Variants in CSMD1 observed in about 807,000 individuals in gnomAD.
CSMD1 encodes CUB and Sushi multiple domains 1, also known as CUB and sushi domain-containing protein 1.
In CSMD1, 213 loss-of-function variants were observed where a neutral mutation model predicts 417.5. That is an observed-to-expected ratio of 0.51 (90% CI 0.46 to 0.57). The LOEUF (loss-of-function observed/expected upper bound fraction) is 0.57. CSMD1 is among the 20% of genes least tolerant of loss of function. CSMD1 has a pLI of 0.00. For synonymous variants in CSMD1, 2,862 were observed against 1,736.8 expected (o/e 1.65, Z -16.11); for missense variants, 6,923 against 4,529.7 (o/e 1.53, Z -15.17).
chr8:3,845,415 T>C (rs1044639916), intron 5 of CSMD1, among the ~76,000 whole-genome samples: 1 of 152,160 alleles, frequency 6.6e-6, no homozygotes, highest in East Asian at 1.9e-4. Flanking sequence ...TACACAGTGA[T>C]AGATATCTAT....
At chr8:4,766,030 T>C (rs1563329973) in intron 1 of CSMD1, among the ~76,000 whole-genome samples, 1 of 152,232 alleles carries the variant, frequency 6.6e-6, no homozygotes, top group African/African-American at 2.4e-5. Flanking sequence ...TTTTAATCTT[T>C]ACATAAATGT....
intron 4 of CSMD1, among the ~76,000 whole-genome samples, chr8:4,016,206 G>A (rs937682832): frequency 6.6e-6 from 1 of 152,126 alleles, no homozygotes. Context: ...TTTAGTCTAA[G>A]TAAAATATTT....
chr8:3,599,451 C>T (rs755672601), intron 8 of CSMD1, among the ~76,000 whole-genome samples: 20 of 152,114 alleles, frequency 1.3e-4, no homozygotes, highest in Non-Finnish European at 2.4e-4. Flanking sequence ...AACCCCAAAG[C>T]AGCATTATTA....
intron 3 of CSMD1, among the ~76,000 whole-genome samples, chr8:4,210,052 T>G (rs1800216279): frequency 6.6e-6 from 1 of 152,168 alleles, no homozygotes; most frequent in African/African-American, 2.4e-5. Context: ...TAAGCCCTGC[T>G]TCCTGAGTCA....
intron 9 of CSMD1, among the ~76,000 whole-genome samples, chr8:3,576,200 T>G (rs1800143786): frequency 6.6e-6 from 1 of 151,984 alleles, no homozygotes; most frequent in African/African-American, 2.4e-5. Context: ...GGGACAAGAA[T>G]TAACCACTGA....
At chr8:3,743,859 T>C (rs556519518) in intron 6 of CSMD1, among the ~76,000 whole-genome samples, 10 of 152,288 alleles carry the variant, frequency 6.6e-5, no homozygotes, top group Non-Finnish European at 1.3e-4. Flanking sequence ...CAATTTCGTC[T>C]ATGTTATCGT....
At chr8:4,333,822 T>C (rs1800010080) in intron 3 of CSMD1, among the ~76,000 whole-genome samples, 2 of 152,174 alleles carry the variant, frequency 1.3e-5, no homozygotes. Context: ...AAATATTCTC[T>C]ATGCTTCTCA....
intron 37 of CSMD1, among the ~76,000 whole-genome samples, chr8:3,173,462 A>T (rs904200805): frequency 6.6e-6 from 1 of 152,202 alleles, no homozygotes; most frequent in African/African-American, 2.4e-5. Flanking sequence ...GGACGCAGGA[A>T]TGCATTGTTT....
chr8:3,308,221 C>G, intron 24 of CSMD1, 91 bp downstream of exon 24: 4 of 983,044 alleles, frequency 4.1e-6, no homozygotes, highest in Non-Finnish European at 6.0e-6. Context: ...TAAAATTCCT[C>G]CTCTTTTCCA....
At chr8:3,835,884 A>T (rs550729427) in intron 5 of CSMD1, among the ~76,000 whole-genome samples, 37 of 151,986 alleles carry the variant, frequency 2.4e-4, no homozygotes, top group African/African-American at 8.2e-4. Flanking sequence ...CGTTTTTTCC[A>T]TGAAGGCTTT....
At chr8:4,783,657 A>G (rs1029412281) in intron 1 of CSMD1, among the ~76,000 whole-genome samples, 2 of 152,168 alleles carry the variant, frequency 1.3e-5, no homozygotes, top group African/African-American at 2.4e-5. Flanking sequence ...TCTTGTCATG[A>G]ACAGGCTGAA....
intron 15 of CSMD1, among the ~76,000 whole-genome samples, chr8:3,404,548 T>C (rs989760898): frequency 1.3e-5 from 2 of 152,060 alleles, no homozygotes; most frequent in African/African-American, 4.8e-5. Flanking sequence ...TTCCGAGGTA[T>C]TTTAGATAGG....
chr8:3,772,570 C>G (rs1217576857), intron 5 of CSMD1, among the ~76,000 whole-genome samples: 4 of 130,226 alleles, frequency 3.1e-5, no homozygotes, highest in Non-Finnish European at 4.7e-5. Context: ...CATATATATA[C>G]ATATATACAC....
At chr8:3,751,739 A>G (rs1797353994) in intron 6 of CSMD1, among the ~76,000 whole-genome samples, 1 of 152,042 alleles carries the variant, frequency 6.6e-6, no homozygotes, top group Admixed American at 6.6e-5. Context: ...GCAGCTTCAA[A>G]GTTGATATTC....
At chr8:4,054,452 ACTT>A (rs1798590016) in intron 3 of CSMD1, among the ~76,000 whole-genome samples, 1 of 152,016 alleles carries the variant, frequency 6.6e-6, no homozygotes, top group Non-Finnish European at 1.5e-5. Flanking sequence ...AGAGAAGCAA[ACTT>A]CTTCTTAGCA....
intron 5 of CSMD1, among the ~76,000 whole-genome samples, chr8:3,800,846 A>T (rs545759959): frequency 2.0e-4 from 30 of 152,210 alleles, no homozygotes; most frequent in African/African-American, 7.2e-4. Context: ...TTGACACAGC[A>T]CAAAAGCCCT....
intron 7 of CSMD1, among the ~76,000 whole-genome samples, chr8:3,654,321 A>G (rs761597257): frequency 2.0e-5 from 3 of 152,208 alleles, no homozygotes; most frequent in Non-Finnish European, 2.9e-5. Context: ...TTATGTAATA[A>G]TTCATACTAG....
At position 4,496,287 on chromosome 8, in the gene CSMD1, T is replaced by C. The variant is rs190209104; in HGVS notation, c.303-76222A>G. Among the ~76,000 whole-genome samples, 235 of 152,272 alleles carry C rather than the reference T, an allele frequency of 1.5e-3. 1 individual carries two copies. The highest frequency in any genetic ancestry group is 5.3e-3 in the African/African-American group (221 of 41,564). On this transcript the variant is annotated intron_variant, in intron 2 of 69. Transcript: ENST00000635120. Reference sequence around the variant, plus strand: ...CAGTCCGTGGCTGGGATAAGGTGGATTGAAGTGTGAACAATGGTTCAGGAT... The same window carrying C: ...CAGTCCGTGGCTGGGATAAGGTGGACTGAAGTGTGAACAATGGTTCAGGAT...
chr8:4,846,594 G>A (rs1310836704), intron 1 of CSMD1, among the ~76,000 whole-genome samples: 1 of 152,190 alleles, frequency 6.6e-6, no homozygotes, highest in African/African-American at 2.4e-5. Context: ...CCTGTAGGAG[G>A]CTCAGCCTTG....
Sources: gnomAD v4.1 joint callset for allele counts (sites outside exome capture counted in the v4.1 genomes callset) on GRCh38, gnomAD v4.1.1 for gene constraint, MANE v1.5 for transcripts, NCBI Gene and HGNC (gene_info 2026-07-23, HGNC 2026-07-21) for gene names.